Variants in ZNRF3 observed in about 807,000 individuals in gnomAD.
ZNRF3 encodes the protein zinc and ring finger 3.
In ZNRF3, 23 loss-of-function variants were observed where a neutral mutation model predicts 72.5. The observed-to-expected ratio is 0.32, with a 90% CI of 0.23 to 0.45. The LOEUF (loss-of-function observed/expected upper bound fraction) is 0.45, where lower values mean the gene tolerates loss of function less well. ZNRF3 is among the 20% of genes least tolerant of loss of function. The pLI, the probability that ZNRF3 is intolerant of heterozygous loss-of-function variation, is 1.00. For missense variants in ZNRF3, 1,169 were observed against 1,272.1 expected, an observed-to-expected ratio of 0.92 and a Z score of 1.23; for synonymous variants, 610 against 545.3, an observed-to-expected ratio of 1.12 and a Z score of -1.65.
At chr22:28,984,864 C>T (rs941013377) in intron 1 of ZNRF3, among the ~76,000 whole-genome samples, 1 of 152,202 alleles carries the variant, frequency 6.6e-6, no homozygotes, top group African/African-American at 2.4e-5. Flanking sequence ...CCCATGGCAC[C>T]GCAGAACCTC....
At chr22:28,937,193 ATATATATATATATATATATATATTTTTT>A (rs1196100918) in intron 1 of ZNRF3, among the ~76,000 whole-genome samples, 18 of 21,706 alleles carry the variant, frequency 8.3e-4, no homozygotes, top group South Asian at 4.2e-3. Flanking sequence ...ATATATATAT[ATATATATATATATATATATATATTTTTT>A]TTTTTTTTTT....
intron 1 of ZNRF3, among the ~76,000 whole-genome samples, chr22:28,935,000 C>T (rs1428594185): frequency 5.3e-5 from 8 of 152,134 alleles, no homozygotes; most frequent in Non-Finnish European, 1.2e-4. Flanking sequence ...GACTTGCTGG[C>T]CCAGGACTTC....
intron 8 of ZNRF3, among the ~76,000 whole-genome samples, chr22:29,053,059 G>A (rs1408051997): frequency 6.6e-6 from 1 of 152,064 alleles, no homozygotes; most frequent in African/African-American, 2.4e-5. Flanking sequence ...CACTCTCCTT[G>A]CTTCCTGCTT....
At chr22:28,973,313 C>G (rs116894271) in intron 1 of ZNRF3, among the ~76,000 whole-genome samples, 1,856 of 152,216 alleles carry the variant, frequency 0.012, 41 homozygotes, top group East Asian at 0.055. Flanking sequence ...TCCTTTATAG[C>G]ACAAAAGTTT....
chr22:28,971,912 TGCTGAG>T (rs965271876), intron 1 of ZNRF3, among the ~76,000 whole-genome samples: 14 of 152,102 alleles, frequency 9.2e-5, no homozygotes, highest in African/African-American at 3.1e-4. Context: ...TTCGCCATGT[TGCTGAG>T]GCTGGTCTCA....
chr22:29,006,307 G>A (rs1292901162), intron 2 of ZNRF3, among the ~76,000 whole-genome samples: 2 of 143,192 alleles, frequency 1.4e-5, no homozygotes, highest in African/African-American at 2.6e-5. Context: ...TCCACCTCCC[G>A]GGTTAAAGCG....
chr22:28,894,556 C>T (rs918318563), intron 1 of ZNRF3, among the ~76,000 whole-genome samples: 3 of 152,226 alleles, frequency 2.0e-5, no homozygotes, highest in Admixed American at 1.3e-4. Context: ...GCTGTGCTGT[C>T]GTCACACCCT....
chr22:29,050,405 G>A lies in ZNRF3; in HGVS notation c.2224G>A (p.Gly742Ser). ...GTTCCTGGGGCCCCACCTCTACGAG[G>A]GCTCTGGCCCGGCGGGTGGGGAGCC... ...TLFLGPHLYE[G>S]SGPAGGEPQS... The change falls in exon 8 of 9, where the codon GGC (glycine) becomes AGC (serine). Residue 742 changes from glycine to serine, a missense_variant. By Grantham distance (56) the Gly-to-Ser change is moderately conservative (BLOSUM62 0). Coordinates refer to ENST00000544604, the MANE Select transcript of ZNRF3 (RefSeq NM_001206998.2). 2 of 1,605,946 alleles carry A rather than the reference G, an allele frequency of 1.2e-6. No individual in the cohort carries two copies. The highest frequency in any genetic ancestry group is 2.2e-5 in the South Asian group (2 of 90,860).
intron 2 of ZNRF3, chr22:29,026,669 C>T (rs1260578254): frequency 1.3e-5 from 2 of 152,230 alleles, no homozygotes; most frequent in African/African-American, 4.8e-5. Flanking sequence ...AGGAGGACTT[C>T]TGCCACAAAC....
intron 1 of ZNRF3, among the ~76,000 whole-genome samples, chr22:28,896,228 G>A (rs1340306143): frequency 1.3e-5 from 2 of 152,162 alleles, no homozygotes; most frequent in Non-Finnish European, 2.9e-5. Flanking sequence ...TCCGCCTCCC[G>A]GGTTCAAGCG....
chr22:29,053,655 A>G lies in ZNRF3; in HGVS notation c.*33A>G, dbSNP rs1380377094. 1.2e-6 allele frequency: 2 copies of G among 1,607,620 alleles called. No individual in the cohort carries two copies. Among genetic ancestry groups the G allele is most frequent in the Non-Finnish European group, 1.7e-6 (2 of 1,176,534 alleles). ...AGGAACTCTTACCTGGAAATTGGGA[A>G]CTGTATGGAGACTCCAAACTGACTT... On this transcript the variant is annotated 3_prime_UTR_variant, in exon 9 of 9. Transcript: ENST00000544604.
intron 1 of ZNRF3, among the ~76,000 whole-genome samples, chr22:28,978,164 G>A (rs988234106): frequency 6.6e-6 from 1 of 152,200 alleles, no homozygotes; most frequent in Non-Finnish European, 1.5e-5. Flanking sequence ...TGCATTGCTT[G>A]TTGGTAGCAT....
chr22:28,978,286 TTG>T (rs1306509174), intron 1 of ZNRF3, among the ~76,000 whole-genome samples: 1 of 152,204 alleles, frequency 6.6e-6, no homozygotes, highest in Non-Finnish European at 1.5e-5. Flanking sequence ...ACCCTGGTTA[TTG>T]TGTCTGCCGT....
chr22:29,048,903 A>T lies in ZNRF3; in HGVS notation c.1016-294A>T, dbSNP rs373390109. Among the ~76,000 whole-genome samples the T allele has an allele frequency of 6.6e-6, 1 of 152,140 alleles. No homozygotes were observed. The highest frequency in any genetic ancestry group is 1.5e-5 in the Non-Finnish European group (1 of 68,032). ...TCACTGTGTCATTAAACAGGGATGG[A>T]GGGACACTGGCATCTTTGAATCCGA... On this transcript the variant is annotated intron_variant, in intron 7 of 8. Transcript: ENST00000544604. The surrounding 1 kb of genome is among the most constrained non-coding windows in gnomAD (Gnocchi z 4.9).
chr22:28,890,768 T>C (rs1250545778), intron 1 of ZNRF3, among the ~76,000 whole-genome samples: 6 of 148,864 alleles, frequency 4.0e-5, no homozygotes, highest in Non-Finnish European at 9.0e-5. Context: ...CTCTCTCTCT[T>C]TTTTTTTTTG....
intron 1 of ZNRF3, among the ~76,000 whole-genome samples, chr22:28,946,389 T>C (rs1601590725): frequency 6.6e-6 from 1 of 152,214 alleles, no homozygotes; most frequent in East Asian, 1.9e-4. Context: ...TTGGGGTTTT[T>C]AAGTTGCAGT....
In ZNRF3 at chr22:28,934,813, G is replaced by T. The variant is rs370974623; in HGVS notation, c.300+50747G>T. ...AGCCTGGGTGACAGAGCAAGACTCT[G>T]TCTCAAAAAAAAAAAAAAAAAAAAA... On this transcript the variant is annotated intron_variant, in intron 1 of 8. Coordinates refer to ENST00000544604, the MANE Select transcript of ZNRF3 (RefSeq NM_001206998.2). Among the ~76,000 whole-genome samples the T allele has an allele frequency of 1.8e-3, 227 of 126,190 alleles. 5 individuals are homozygous for T. In the South Asian group the frequency reaches 0.037, roughly 21 times the overall value. 82.8% of individuals were successfully genotyped at this position (126,190 alleles called of 152,430 possible). A position where few individuals can be genotyped will look rare whatever the true frequency, so the allele number is the denominator to read the frequency against.
intron 1 of ZNRF3, among the ~76,000 whole-genome samples, chr22:28,945,008 A>G (rs563786099): frequency 1.5e-4 from 23 of 151,742 alleles, no homozygotes; most frequent in African/African-American, 4.8e-4. Context: ...TTCTTCTAGG[A>G]GTTTATCCTT....
intron 1 of ZNRF3, among the ~76,000 whole-genome samples, chr22:28,898,041 C>T (rs1453198438): frequency 1.3e-5 from 2 of 152,138 alleles, no homozygotes; most frequent in Non-Finnish European, 2.9e-5. Flanking sequence ...CTCCTAGTCT[C>T]AAACGATCCT....
Sources: allele counts gnomAD v4.1 joint callset (sites outside exome capture counted in the v4.1 genomes callset), GRCh38; gene constraint gnomAD v4.1.1; non-coding constraint Gnocchi (gnomAD v3.1); transcripts MANE v1.5; gene names NCBI Gene and HGNC (gene_info 2026-07-23, HGNC 2026-07-21).